The following GRIA1 variants were observed in gnomAD, a reference collection of about 807,000 sequenced individuals.
The protein encoded by GRIA1 is glutamate receptor 1.
Under a neutral mutation model 99.2 loss-of-function variants are expected in GRIA1, and 31 were observed. The ratio of observed to expected loss-of-function variants is 0.31; its 90% CI spans 0.23 to 0.42. The LOEUF is 0.42. GRIA1 is among the 10% of genes least tolerant of loss of function. GRIA1 has a pLI of 1.00. For synonymous variants in GRIA1, 438 were observed against 432.4 expected (o/e 1.01, Z -0.16); for missense variants, 782 against 1,157.5 (o/e 0.68, Z 4.71).
chr5:153,567,379 T>C (rs572768813), intron 2 of GRIA1, among the ~76,000 whole-genome samples: 5 of 152,316 alleles, frequency 3.3e-5, no homozygotes, highest in African/African-American at 7.2e-5. Flanking sequence ...ATGAGGCGTG[T>C]GTCCAGGGTG....
chr5:153,628,393 C>T (rs926471762), intron 2 of GRIA1, among the ~76,000 whole-genome samples: 1 of 152,176 alleles, frequency 6.6e-6, no homozygotes, highest in Admixed American at 6.5e-5. Flanking sequence ...TTTCTGTGTG[C>T]CCTTGAACTT....
intron 2 of GRIA1, among the ~76,000 whole-genome samples, chr5:153,623,217 A>G (rs1305441097): frequency 6.6e-6 from 1 of 152,004 alleles, no homozygotes; most frequent in African/African-American, 2.4e-5. Flanking sequence ...ACTGGGCTCA[A>G]TTGGAAAAAA....
At chr5:153,512,690 T>A (rs1561599394) in intron 2 of GRIA1, among the ~76,000 whole-genome samples, 1 of 152,206 alleles carries the variant, frequency 6.6e-6, no homozygotes, top group Non-Finnish European at 1.5e-5. Context: ...GTGCCTGTGA[T>A]ACCACCGTTA....
chr5:153,531,475 C>T (rs187114740), intron 2 of GRIA1, among the ~76,000 whole-genome samples: 116 of 152,354 alleles, frequency 7.6e-4, no homozygotes, highest in African/African-American at 2.7e-3. Flanking sequence ...TCACCCAAAT[C>T]TTACACAGTT....
chr5:153,510,577 G>A (rs996511437), intron 2 of GRIA1, among the ~76,000 whole-genome samples: 1 of 152,118 alleles, frequency 6.6e-6, no homozygotes, highest in Admixed American at 6.6e-5. Context: ...TCTGCAGGAG[G>A]GTTTCTCCGG....
intron 2 of GRIA1, among the ~76,000 whole-genome samples, chr5:153,633,914 C>T (rs933962615): frequency 2.0e-5 from 3 of 152,144 alleles, no homozygotes; most frequent in African/African-American, 7.2e-5. Context: ...AAACATGATT[C>T]TTGCCCTAAT....
At chr5:153,638,819 G>C (rs1753577251) in intron 2 of GRIA1, among the ~76,000 whole-genome samples, 1 of 152,220 alleles carries the variant, frequency 6.6e-6, no homozygotes, top group South Asian at 2.1e-4. Context: ...TAAAAGATGG[G>C]TGGAGACTTT....
chr5:153,732,900 G>A (rs75539446), intron 11 of GRIA1, among the ~76,000 whole-genome samples: 362 of 147,960 alleles, frequency 2.4e-3, no homozygotes, highest in Non-Finnish European at 3.9e-3. Context: ...TTTTTTGTGC[G>A]TAGTACAAAA....
chr5:153,558,023 C>T (rs1160335785), intron 2 of GRIA1: 1 of 152,176 alleles, frequency 6.6e-6, no homozygotes, highest in African/African-American at 2.4e-5. Context: ...CTGTACATGA[C>T]TGTATGTGTT....
chr5:153,630,256 TATCATCATCATC>T (rs3037009), intron 2 of GRIA1, among the ~76,000 whole-genome samples: 3 of 151,112 alleles, frequency 2.0e-5, no homozygotes, highest in Non-Finnish European at 3.0e-5. Flanking sequence ...TAATGATAAT[TATCATCATCATC>T]ATCATCATCA....
chr5:153,519,920 C>A (rs1231825284), intron 2 of GRIA1, among the ~76,000 whole-genome samples: 3 of 152,108 alleles, frequency 2.0e-5, no homozygotes, highest in Non-Finnish European at 4.4e-5. Context: ...CCTTAAAAAT[C>A]TCTCCAGTTA....
intron 11 of GRIA1, among the ~76,000 whole-genome samples, chr5:153,727,056 T>A (rs1760598802): frequency 6.6e-6 from 1 of 152,100 alleles, no homozygotes; most frequent in Non-Finnish European, 1.5e-5. Flanking sequence ...GTGGGCTTCA[T>A]CCCTGGGATG....
At chr5:153,630,925 A>G (rs1752916065) in intron 2 of GRIA1, among the ~76,000 whole-genome samples, 1 of 152,208 alleles carries the variant, frequency 6.6e-6, no homozygotes, top group South Asian at 2.1e-4. Flanking sequence ...AACTTGAGAT[A>G]GAGAAACAAG....
At chr5:153,535,132 G>A (rs1026304199) in intron 2 of GRIA1, among the ~76,000 whole-genome samples, 3 of 152,106 alleles carry the variant, frequency 2.0e-5, no homozygotes, top group Non-Finnish European at 4.4e-5. Flanking sequence ...ATGTTGGCCA[G>A]GCTGGTCTTG....
chr5:153,495,621 C>A (rs1181701916), intron 2 of GRIA1, among the ~76,000 whole-genome samples: 1 of 152,074 alleles, frequency 6.6e-6, no homozygotes, highest in Non-Finnish European at 1.5e-5. Flanking sequence ...AGGACTGGTC[C>A]ATTGAATAAA....
At chr5:153,738,035 G>A (rs1761512257) in intron 11 of GRIA1, among the ~76,000 whole-genome samples, 1 of 152,210 alleles carries the variant, frequency 6.6e-6, no homozygotes, top group African/African-American at 2.4e-5. Flanking sequence ...AACTGGGGCT[G>A]AGGGACAGGA....
At chr5:153,730,345 A>C (rs991946379) in intron 11 of GRIA1, among the ~76,000 whole-genome samples, 1 of 152,076 alleles carries the variant, frequency 6.6e-6, no homozygotes, top group African/African-American at 2.4e-5. Context: ...AGCACCTCCC[A>C]AAGAGCCTTG....
At chr5:153,523,546 T>C (rs761269801) in intron 2 of GRIA1, among the ~76,000 whole-genome samples, 1 of 152,120 alleles carries the variant, frequency 6.6e-6, no homozygotes, top group Non-Finnish European at 1.5e-5. Context: ...TTGTTACTGT[T>C]GTGGAAAGAA....
At chr5:153,558,927 C>T (rs961362844) in intron 2 of GRIA1, among the ~76,000 whole-genome samples, 1 of 152,114 alleles carries the variant, frequency 6.6e-6, no homozygotes, top group Non-Finnish European at 1.5e-5. Flanking sequence ...TCTTTAAGCT[C>T]TGTGGTCTGG....
Sources: allele counts gnomAD v4.1 joint callset (sites outside exome capture counted in the v4.1 genomes callset), GRCh38; gene constraint gnomAD v4.1.1; transcripts MANE v1.5; gene names NCBI Gene and HGNC (gene_info 2026-07-23, HGNC 2026-07-21).